The following CYSTM1 variants were observed in gnomAD, a reference collection of about 807,000 sequenced individuals.
The protein encoded by CYSTM1 is cysteine rich transmembrane module containing 1.
In CYSTM1, 4 loss-of-function variants were observed where a neutral mutation model predicts 13.1. The ratio of observed to expected loss-of-function variants is 0.31; its 90% CI spans 0.15 to 0.70. The LOEUF is 0.70. Ranked by LOEUF, CYSTM1 falls within the 30% of genes least tolerant of loss-of-function variation. The pLI is 0.72. For synonymous variants in CYSTM1, 36 were observed against 42.7 expected (o/e 0.84, Z 0.62); for missense variants, 96 against 121.6 (o/e 0.79, Z 0.99).
intron 2 of CYSTM1, among the ~76,000 whole-genome samples, chr5:140,199,404 CTAATT>C (rs1280129510): frequency 6.6e-6 from 1 of 152,204 alleles, no homozygotes; most frequent in Non-Finnish European, 1.5e-5. Context: ...AATGGTTAAA[CTAATT>C]TACGCTCCCA....
intron 1 of CYSTM1, among the ~76,000 whole-genome samples, chr5:140,189,940 A>AT (rs1025882769): frequency 2.6e-5 from 4 of 152,036 alleles, no homozygotes; most frequent in African/African-American, 9.7e-5. Flanking sequence ...TATATTGTGG[A>AT]TTTTTTTAAT....
chr5:140,209,966 C>T (rs1333726280), intron 2 of CYSTM1, among the ~76,000 whole-genome samples: 3 of 152,148 alleles, frequency 2.0e-5, no homozygotes, highest in African/African-American at 7.2e-5. Flanking sequence ...CCAGCAGTCA[C>T]AAATGTCTTA....
intron 2 of CYSTM1, among the ~76,000 whole-genome samples, chr5:140,225,066 T>C (rs966680352): frequency 1.3e-5 from 2 of 152,138 alleles, no homozygotes; most frequent in Admixed American, 1.3e-4. Context: ...CCTGTTGTCC[T>C]AGCTACTTGG....
intron 2 of CYSTM1, among the ~76,000 whole-genome samples, chr5:140,211,439 C>T (rs1299374628): frequency 2.0e-5 from 3 of 152,196 alleles, no homozygotes; most frequent in Non-Finnish European, 4.4e-5. Context: ...AGTTTTACAA[C>T]AGCTCTTCAG....
intron 2 of CYSTM1, among the ~76,000 whole-genome samples, chr5:140,241,812 G>C (rs12188839): frequency 6.6e-6 from 1 of 152,156 alleles, no homozygotes; most frequent in African/African-American, 2.4e-5. Flanking sequence ...CTGGCTGGAT[G>C]TGAGAGATGA....
chr5:140,195,467 A>C (rs1270402006), intron 2 of CYSTM1, among the ~76,000 whole-genome samples: 3 of 113,206 alleles, frequency 2.7e-5, no homozygotes, highest in Admixed American at 2.4e-4. Flanking sequence ...TTTGAGACGG[A>C]GTCTCACTCT....
intron 2 of CYSTM1, among the ~76,000 whole-genome samples, chr5:140,238,332 G>T (rs573590495): frequency 6.6e-6 from 1 of 152,202 alleles, no homozygotes; most frequent in Non-Finnish European, 1.5e-5. Context: ...AATGGAAGAG[G>T]TTCCTACCTT....
At chr5:140,217,989 G>T (rs536762533) in intron 2 of CYSTM1, among the ~76,000 whole-genome samples, 1 of 152,258 alleles carries the variant, frequency 6.6e-6, no homozygotes, top group African/African-American at 2.4e-5. Flanking sequence ...TTGCTAAATA[G>T]GACCATTTCC....
In CYSTM1 at chr5:140,194,520, C is replaced by T; in HGVS notation, c.55C>T (p.Pro19Ser). The T allele has an allele frequency of 1.2e-6, 2 of 1,613,138 alleles. No homozygotes were observed. The highest frequency in any genetic ancestry group is 1.7e-6 in the Non-Finnish European group (2 of 1,179,684). Residue 19 changes from proline to serine, a missense_variant, in exon 2 of 3, where the codon CCA becomes TCA. By Grantham distance (74) the Pro-to-Ser change is moderately conservative (BLOSUM62 -1). Coordinates refer to ENST00000261811, the MANE Select transcript of CYSTM1 (RefSeq NM_032412.4). ...YPGPGPTAPY[P>S]PYPPQPMGPG... Reference sequence around the variant, plus strand: ...AGGCCCTGGTCCAACGGCCCCATACCCACCTTATCCACCACAACCAATGGG... The same window carrying T: ...AGGCCCTGGTCCAACGGCCCCATACTCACCTTATCCACCACAACCAATGGG...
At chr5:140,203,282 C>G (rs761764235) in intron 2 of CYSTM1, 3 of 152,214 alleles carry the variant, frequency 2.0e-5, no homozygotes, top group Non-Finnish European at 2.9e-5. Flanking sequence ...ACAAATGGTT[C>G]TGTATACCTT....
At chr5:140,238,429 G>C (rs1581075118) in intron 2 of CYSTM1, among the ~76,000 whole-genome samples, 1 of 152,190 alleles carries the variant, frequency 6.6e-6, no homozygotes, top group East Asian at 1.9e-4. Context: ...GACAGAAGCT[G>C]GGCTGGTCCC....
At chr5:140,194,051 A>T (rs980764272) in intron 1 of CYSTM1, among the ~76,000 whole-genome samples, 1 of 152,228 alleles carries the variant, frequency 6.6e-6, no homozygotes, top group African/African-American at 2.4e-5. Flanking sequence ...CTGTTAGAAC[A>T]CTTTCTTAAA....
At chr5:140,236,444 G>A (rs1444991572) in intron 2 of CYSTM1, among the ~76,000 whole-genome samples, 1 of 152,186 alleles carries the variant, frequency 6.6e-6, no homozygotes, top group Non-Finnish European at 1.5e-5. Flanking sequence ...CGGTTCTTTA[G>A]CAGTGCTGTA....
At chr5:140,222,871 T>C (rs770203229) in intron 2 of CYSTM1, among the ~76,000 whole-genome samples, 3 of 152,248 alleles carry the variant, frequency 2.0e-5, no homozygotes, top group Non-Finnish European at 4.4e-5. Context: ...AGTCCTATTT[T>C]CTTTGTTCTA....
intron 2 of CYSTM1, among the ~76,000 whole-genome samples, chr5:140,237,550 A>G (rs1166234860): frequency 1.3e-5 from 2 of 152,168 alleles, no homozygotes; most frequent in African/African-American, 4.8e-5. Context: ...GGCAGTTCAG[A>G]CTGTAGTCCT....
intron 1 of CYSTM1, among the ~76,000 whole-genome samples, chr5:140,187,355 TTTTG>T (rs1170615236): frequency 2.0e-5 from 3 of 151,682 alleles, no homozygotes; most frequent in Admixed American, 6.6e-5. Flanking sequence ...CTCTCATAGT[TTTTG>T]TTTGTTTGTT....
chr5:140,218,228 C>CT (rs1298171845), intron 2 of CYSTM1, among the ~76,000 whole-genome samples: 1 of 152,088 alleles, frequency 6.6e-6, no homozygotes, highest in African/African-American at 2.4e-5. Context: ...ACAGACATCT[C>CT]TTTTTTTTCC....
chr5:140,176,346 A>G (rs1178643540), intron 1 of CYSTM1, among the ~76,000 whole-genome samples: 1 of 152,196 alleles, frequency 6.6e-6, no homozygotes, highest in Non-Finnish European at 1.5e-5. Context: ...TTTTTCAGCC[A>G]TTGTTGGCAA....
rs373958218 is a variant in CYSTM1, at chr5:140,243,427, C to T, written c.*16C>T. 2.6e-5 allele frequency: 42 copies of T among 1,611,234 alleles called. No individual in the cohort carries two copies. The Middle Eastern group carries it at 6.7e-4, about 26-fold the overall frequency. ...GCTCACCTGACCAGACCAGCCCAGC[C>T]GTCCTGTCCTGCCAGCTCTGCTGCC... is the stretch of plus-strand genomic sequence containing the variant. On this transcript the variant is annotated 3_prime_UTR_variant, in exon 3 of 3. Coordinates refer to ENST00000261811, the MANE Select transcript of CYSTM1 (RefSeq NM_032412.4).
Sources: allele counts gnomAD v4.1 joint callset (sites outside exome capture counted in the v4.1 genomes callset), GRCh38; gene constraint gnomAD v4.1.1; transcripts MANE v1.5; gene names NCBI Gene and HGNC (gene_info 2026-07-23, HGNC 2026-07-21).